The following PPIL6 variants were observed in gnomAD, a reference collection of about 807,000 sequenced individuals.
PPIL6 encodes probable inactive peptidyl-prolyl cis-trans isomerase-like 6.
In PPIL6, 39 loss-of-function variants were observed where a neutral mutation model predicts 36.8. The ratio of observed to expected loss-of-function variants is 1.06; its 90% CI spans 0.82 to 1.38. PPIL6 has a LOEUF of 1.38. Among genes scored for constraint, PPIL6 ranks in the 40% most tolerant of loss-of-function variants. The probability of loss-of-function intolerance (pLI) is 0.00; values close to 1 mark genes in which losing one functional copy is unlikely to be tolerated. For missense variants in PPIL6, 368 were observed against 379.1 expected, an observed-to-expected ratio of 0.97 and a Z score of 0.24; for synonymous variants, 123 against 134.1, an observed-to-expected ratio of 0.92 and a Z score of 0.57.
At chr6:109,438,587 G>GT (rs886584665) in intron 1 of PPIL6, among the ~76,000 whole-genome samples, 12 of 151,594 alleles carry the variant, frequency 7.9e-5, no homozygotes, top group Admixed American at 1.3e-4. Context: ...TTTGTAAACA[G>GT]TTTTTTGTTT....
At chr6:109,419,318 AT>A in intron 5 of PPIL6, 75 bp from the exon 6 acceptor site, 1 of 1,048,222 alleles carries the variant, frequency 9.5e-7, no homozygotes. Flanking sequence ...CAGGGAAAAA[AT>A]TTTGCTTTCA....
chr6:109,392,930 TCAGTTGCCTA>T lies in PPIL6; in HGVS notation c.825-3_831del. 6.2e-7 allele frequency: 1 copy of T among 1,600,044 alleles called. No homozygotes were observed. Among genetic ancestry groups the T allele is most frequent in the Middle Eastern group, 1.7e-4 (1 of 6,016 alleles). On this transcript the variant is annotated splice_acceptor_variant and splice_polypyrimidine_tract_variant and coding_sequence_variant and intron_variant, in exon 8 of 8. Transcript: ENST00000521072. LOFTEE classifies it high-confidence loss of function. ...TGTTTAAGCACTTCTGTTCCTTCAA[TCAGTTGCCTA>T]CATAGGAGAAAAAAATGGAAAATTT...
chr6:109,441,041 G>T, upstream of PPIL6: 1 of 1,450,688 alleles, frequency 6.9e-7, no homozygotes, highest in Non-Finnish European at 9.7e-7. Flanking sequence ...CTGGGGAGAA[G>T]GCGCCGCCGG....
In PPIL6 at chr6:109,413,031, G is replaced by A. The variant is rs890969895; in HGVS notation, c.688+6156C>T. On this transcript the variant is annotated intron_variant, in intron 6 of 7. Coordinates refer to ENST00000521072, the MANE Select transcript of PPIL6 (RefSeq NM_173672.5). This position sits in a 1 kb window ranked among gnomAD's most constrained non-coding sequence, Gnocchi z 4.6. The stretch of plus-strand genomic sequence containing the variant: ...AAATTAGCCAGGTGTAGTTATGTGC[G>A]CCTCTAATCCCAGCTATTTGGGAGG... Among the ~76,000 whole-genome samples, 50 of 152,092 alleles carry A rather than the reference G, an allele frequency of 3.3e-4. No homozygotes were observed. The East Asian group carries it at 8.9e-3, about 27-fold the overall frequency.
At position 109,440,531 on chromosome 6, in the gene PPIL6, C is replaced by A. The variant is rs758045029; in HGVS notation, c.60G>T (p.Pro20=). 9.4e-6 allele frequency: 14 copies of A among 1,490,058 alleles called. No homozygotes were observed. Among genetic ancestry groups the A allele is most frequent in the Non-Finnish European group, 1.2e-5 (14 of 1,122,370 alleles). 92.3% of individuals were successfully genotyped at this position (1,490,058 alleles called of 1,614,324 possible). ...CCACCTTCACCTGCAGCGGCCGCTC[C>A]GGCAGCGACGGCGAGCCGCACCTAG... ...PHARCGSPSL[P]ERPLQVKVVG... The change falls in exon 1 of 8, where the codon CCG becomes CCT. Residue 20 remains proline, a synonymous_variant. Transcript: ENST00000521072.
At chr6:109,438,693 A>G (rs1031181645) in intron 1 of PPIL6, among the ~76,000 whole-genome samples, 2 of 151,910 alleles carry the variant, frequency 1.3e-5, no homozygotes, top group Non-Finnish European at 2.9e-5. Flanking sequence ...GGTTCAAGCG[A>G]TTCTCCAGCC....
intron 1 of PPIL6, among the ~76,000 whole-genome samples, chr6:109,438,520 T>C (rs187090794): frequency 3.9e-5 from 6 of 152,230 alleles, no homozygotes; most frequent in Non-Finnish European, 7.4e-5. Flanking sequence ...AATAAAGATA[T>C]TGTTTTCTCG....
At chr6:109,431,414 G>T in intron 2 of PPIL6, 69 bp from the exon 3 acceptor site, 1 of 1,183,212 alleles carries the variant, frequency 8.5e-7, no homozygotes, top group Non-Finnish European at 1.2e-6. Flanking sequence ...AAACCCATAA[G>T]CCAGAGCTTA....
At chr6:109,437,646 C>T (rs1774526837) in intron 1 of PPIL6, among the ~76,000 whole-genome samples, 1 of 148,744 alleles carries the variant, frequency 6.7e-6, no homozygotes. Flanking sequence ...CCTCCGTCTC[C>T]TGGGTTCAAG....
chr6:109,437,548 CTTTTTT>C (rs71551374), intron 1 of PPIL6, among the ~76,000 whole-genome samples: 1 of 97,956 alleles, frequency 1.0e-5, no homozygotes, highest in Non-Finnish European at 2.0e-5. Context: ...TATTTCTTTT[CTTTTTT>C]TTTTTTTTTT....
intron 6 of PPIL6, among the ~76,000 whole-genome samples, chr6:109,418,474 T>A (rs557716484): frequency 6.6e-6 from 1 of 152,328 alleles, no homozygotes; most frequent in African/African-American, 2.4e-5. Flanking sequence ...TTGTGGAATT[T>A]AGGTAGATAC....
At chr6:109,404,457 ATTCT>A (rs1772700453) in intron 6 of PPIL6, among the ~76,000 whole-genome samples, 1 of 152,172 alleles carries the variant, frequency 6.6e-6, no homozygotes, top group South Asian at 2.1e-4. Context: ...CCAGGCAGCT[ATTCT>A]TTCTTTTCCC....
At chr6:109,394,342 A>T (rs1425118018) in intron 7 of PPIL6, among the ~76,000 whole-genome samples, 3 of 144,702 alleles carry the variant, frequency 2.1e-5, no homozygotes, top group African/African-American at 5.2e-5. Flanking sequence ...CACTGCACTC[A>T]GCCTGGGCCA....
chr6:109,438,539 TC>T (rs1774585662), intron 1 of PPIL6, among the ~76,000 whole-genome samples: 1 of 152,138 alleles, frequency 6.6e-6, no homozygotes, highest in Admixed American at 6.5e-5. Context: ...CGACCTACTG[TC>T]TTCTACATCA....
chr6:109,399,264 C>T (rs1462421379), intron 7 of PPIL6, among the ~76,000 whole-genome samples: 4 of 152,012 alleles, frequency 2.6e-5, no homozygotes, highest in East Asian at 1.9e-4. Flanking sequence ...CATGCCACCA[C>T]GCCTGGCTAA....
Position 109,440,558 on chromosome 6 carries a change from G to A in PPIL6, c.33C>T (p.His11=), listed in dbSNP as rs1042437241. 2.0e-6 allele frequency: 3 copies of A among 1,468,026 alleles called. No individual in the cohort carries two copies. The highest frequency in any genetic ancestry group is 2.6e-5 in the Admixed American group (1 of 37,984). The allele number at this position is 1,468,026 out of a possible 1,614,324, so 90.9% of individuals were successfully genotyped here. A position where few individuals can be genotyped will look rare whatever the true frequency, so the allele number is the denominator to read the frequency against. Residue 11 remains histidine (H), a synonymous_variant, in exon 1 of 8, where the codon CAC becomes CAT. Coordinates refer to ENST00000521072, the MANE Select transcript of PPIL6 (RefSeq NM_173672.5). ...GCAGCGACGGCGAGCCGCACCTAGC[G>A]TGCGGGGGCCCGCACGGCTGCGGCC... is the stretch of plus-strand genomic sequence containing the variant. The part of the protein sequence containing the change: MARPQPCGPP[H]ARCGSPSLPE...
chr6:109,403,135 T>C, intron 6 of PPIL6: 1 of 1,439,814 alleles, frequency 6.9e-7, no homozygotes, highest in Non-Finnish European at 9.2e-7. Flanking sequence ...ATAATTTAAA[T>C]TTAAATTAAA....
At chr6:109,403,193 T>TG (rs1309615279) in intron 6 of PPIL6, 1 of 963,952 alleles carries the variant, frequency 1.0e-6, no homozygotes, top group African/African-American at 1.7e-5. Context: ...AGACTAGTCT[T>TG]GAACTCCTGG....
Position 109,422,149 on chromosome 6 carries a change from T to G in PPIL6, c.632-2906A>C, listed in dbSNP as rs1342103280. ...CCTCAGCCTCCCAAAGTGCTGGGATTACAAGCGTGAGCCACCGTGCCTGGC... is the reference window on the plus strand; with the variant it reads ...CCTCAGCCTCCCAAAGTGCTGGGATGACAAGCGTGAGCCACCGTGCCTGGC... On this transcript the variant is annotated intron_variant, in intron 5 of 7. Transcript: ENST00000521072. Among the ~76,000 whole-genome samples the G allele has an allele frequency of 4.6e-5, 7 of 152,146 alleles. No individual in the cohort carries two copies. The East Asian group carries it at 1.2e-3, about 25-fold the overall frequency.
Sources: allele counts gnomAD v4.1 joint callset (sites outside exome capture counted in the v4.1 genomes callset), GRCh38; gene constraint gnomAD v4.1.1; non-coding constraint Gnocchi (gnomAD v3.1); transcripts MANE v1.5; gene names NCBI Gene and HGNC (gene_info 2026-07-23, HGNC 2026-07-21).